THTPA: variants seen among roughly 807,000 people sequenced by gnomAD.
THTPA encodes the protein thiamine-triphosphatase.
THTPA carries 16 observed loss-of-function variants against 16.5 expected under a neutral mutation model. The ratio of observed to expected loss-of-function variants is 0.97; its 90% CI spans 0.66 to 1.47. The LOEUF (loss-of-function observed/expected upper bound fraction) is 1.47, where lower values mean the gene tolerates loss of function less well. Ranked by LOEUF, THTPA falls within the 40% of genes most tolerant of loss-of-function variation. The pLI is 0.00. For missense variants in THTPA, 281 were observed against 280.9 expected (o/e 1.00, Z 0.00); for synonymous variants, 110 against 115.5 (o/e 0.95, Z 0.30).
the THTPA span, chr14:23,527,881 G>A: frequency 1.8e-6 from 2 of 1,083,594 alleles, no homozygotes; most frequent in Non-Finnish European, 2.7e-6. Context: ...TTTGGATGCA[G>A]CACTGGCCCG....
the THTPA span, chr14:23,527,555 C>T: frequency 1.3e-6 from 2 of 1,532,036 alleles, no homozygotes; most frequent in Non-Finnish European, 1.7e-6. Flanking sequence ...CCCTCCTGCA[C>T]AGCCCTAATA....
chr14:23,539,302 G>A, the THTPA span, among the ~76,000 whole-genome samples: 61 of 152,298 alleles, frequency 4.0e-4, no homozygotes, highest in African/African-American at 1.4e-3. Flanking sequence ...TACTTTCAAG[G>A]CTCAGCCAGG....
At chr14:23,542,645 A>G in the THTPA span, among the ~76,000 whole-genome samples, 2 of 152,172 alleles carry the variant, frequency 1.3e-5, no homozygotes, top group African/African-American at 2.4e-5. Flanking sequence ...ATGAGCACTC[A>G]GGGAGTTGTC....
the THTPA span, among the ~76,000 whole-genome samples, chr14:23,545,510 C>T: frequency 6.6e-5 from 10 of 152,344 alleles, no homozygotes; most frequent in East Asian, 1.7e-3. Flanking sequence ...ACCTTTGACT[C>T]CTATCTCTGT....
chr14:23,525,409 G>A, the THTPA span: 6 of 1,536,104 alleles, frequency 3.9e-6, no homozygotes, highest in East Asian at 9.8e-5. The surrounding 1 kb of genome is among the most constrained non-coding windows in gnomAD (Gnocchi z 5.9). Context: ...AACGGCTCAG[G>A]GCTTCAAAGG....
chr14:23,551,168 C>T (rs368452816), upstream of THTPA, among the ~76,000 whole-genome samples: 370 of 152,006 alleles, frequency 2.4e-3, 1 homozygote, highest in African/African-American at 7.9e-3. This position sits in a 1 kb window ranked among gnomAD's most constrained non-coding sequence, Gnocchi z 5.3. Flanking sequence ...TCTGTCTGTC[C>T]GTCCGTCCTT....
the THTPA span, among the ~76,000 whole-genome samples, chr14:23,549,758 A>G: frequency 3.0e-4 from 45 of 152,316 alleles, no homozygotes; most frequent in African/African-American, 8.7e-4. Context: ...GAGGGGTTAT[A>G]TGCCCCTGGA....
intron 1 of THTPA, among the ~76,000 whole-genome samples, chr14:23,557,678 G>C (rs1595216321): frequency 1.3e-5 from 2 of 152,242 alleles, no homozygotes; most frequent in South Asian, 4.2e-4. Flanking sequence ...GCCTCATTTA[G>C]TTCTCATACC....
the THTPA span, among the ~76,000 whole-genome samples, chr14:23,545,371 C>T: frequency 1.3e-5 from 2 of 152,200 alleles, no homozygotes; most frequent in Non-Finnish European, 2.9e-5. Flanking sequence ...CATTTCCCTG[C>T]GGAGGGGTCA....
chr14:23,527,542 C>G, the THTPA span: 1 of 1,524,906 alleles, frequency 6.6e-7, no homozygotes, highest in Non-Finnish European at 8.8e-7. Context: ...CTGCCTCTTC[C>G]TCCCCTCCTG....
chr14:23,525,517 C>A, the THTPA span: 3 of 1,535,614 alleles, frequency 2.0e-6, no homozygotes, highest in Non-Finnish European at 2.6e-6. This position sits in a 1 kb window ranked among gnomAD's most constrained non-coding sequence, Gnocchi z 5.9. Flanking sequence ...TGTCCCCACC[C>A]CCGAGGGCCT....
the THTPA span, chr14:23,523,317 G>C: frequency 6.9e-7 from 1 of 1,453,256 alleles, no homozygotes; most frequent in Non-Finnish European, 9.0e-7. This position sits in a 1 kb window ranked among gnomAD's most constrained non-coding sequence, Gnocchi z 4.1. Context: ...ATGGAGGCAG[G>C]TGTGGTGGCA....
At chr14:23,525,084 G>T in the THTPA span, 1 of 1,536,192 alleles carries the variant, frequency 6.5e-7, no homozygotes. This position sits in a 1 kb window ranked among gnomAD's most constrained non-coding sequence, Gnocchi z 5.9. Flanking sequence ...CCGTCTTTGG[G>T]GTAGGCGCTA....
chr14:23,553,988 C>G (rs918685771), upstream of THTPA, among the ~76,000 whole-genome samples: 3 of 142,934 alleles, frequency 2.1e-5, no homozygotes, highest in East Asian at 6.1e-4. Context: ...CATTTGAACC[C>G]AGGAGGCAGA....
At chr14:23,516,856 G>GT in the THTPA span, among the ~76,000 whole-genome samples, 5 of 152,304 alleles carry the variant, frequency 3.3e-5, no homozygotes, top group Admixed American at 2.0e-4. Flanking sequence ...TTAGTGCAGG[G>GT]TTTGGTATCA....
upstream of THTPA, among the ~76,000 whole-genome samples, chr14:23,553,757 G>T (rs1264677198): frequency 1.3e-5 from 2 of 152,106 alleles, no homozygotes; most frequent in Non-Finnish European, 2.9e-5. Context: ...AGCCGGGCAT[G>T]GTGGTGGGCA....
At chr14:23,525,189 C>T in the THTPA span, 1 of 1,536,120 alleles carries the variant, frequency 6.5e-7, no homozygotes, top group Non-Finnish European at 8.7e-7. The surrounding 1 kb of genome is among the most constrained non-coding windows in gnomAD (Gnocchi z 5.9). Context: ...GGAAGATTCC[C>T]TCTGGAGCTT....
chr14:23,522,706 A>G, the THTPA span: 1 of 1,536,638 alleles, frequency 6.5e-7, no homozygotes, highest in East Asian at 2.4e-5. Context: ...TCTTGAGGGC[A>G]TCATTGGAGG....
upstream of THTPA, chr14:23,551,440 G>T (rs1472555373): frequency 6.6e-6 from 1 of 152,446 alleles, no homozygotes; most frequent in Non-Finnish European, 1.5e-5. This position sits in a 1 kb window ranked among gnomAD's most constrained non-coding sequence, Gnocchi z 5.3. Flanking sequence ...CTTCTCCGAT[G>T]TGTTGATTCC....
Sources: allele counts gnomAD v4.1 joint callset (sites outside exome capture counted in the v4.1 genomes callset), GRCh38; gene constraint gnomAD v4.1.1; non-coding constraint Gnocchi (gnomAD v3.1); transcripts MANE v1.5; gene names NCBI Gene and HGNC (gene_info 2026-07-23, HGNC 2026-07-21).